Variants in CNTNAP3 observed in about 807,000 individuals in gnomAD.
CNTNAP3 encodes the protein contactin-associated protein-like 3.
CNTNAP3 carries 36 observed loss-of-function variants against 92.1 expected under a neutral mutation model. The ratio of observed to expected loss-of-function variants is 0.39; its 90% CI spans 0.30 to 0.52. CNTNAP3 has a LOEUF of 0.52. CNTNAP3 is among the 20% of genes least tolerant of loss of function. The probability of loss-of-function intolerance (pLI) is 0.76; values close to 1 mark genes in which losing one functional copy is unlikely to be tolerated. For missense variants in CNTNAP3, 534 were observed against 1,069.6 expected, an observed-to-expected ratio of 0.50 and a Z score of 6.98; for synonymous variants, 232 against 422.3, an observed-to-expected ratio of 0.55 and a Z score of 5.53.
At chr9:39,284,294 C>T (rs1823019729) in intron 1 of CNTNAP3, among the ~76,000 whole-genome samples, 1 of 20,994 alleles carries the variant, frequency 4.8e-5, no homozygotes, top group South Asian at 3.0e-3. Flanking sequence ...CTATAGGTCA[C>T]CACCAGTGCT....
chr9:39,135,147 A>G (rs1000197776), intron 12 of CNTNAP3, among the ~76,000 whole-genome samples: 2 of 152,222 alleles, frequency 1.3e-5, no homozygotes, highest in African/African-American at 2.4e-5. Context: ...ATCAGTAGTA[A>G]AACACCCAAA....
Position 39,067,246 on chromosome 9 carries a change from G to T in CNTNAP3, c.*6644C>A, listed in dbSNP as rs1472051474. 2.4e-4 allele frequency among the ~76,000 whole-genome samples: 37 copies of T among 152,392 alleles called. No homozygotes were observed. Among genetic ancestry groups the T allele is most frequent in the African/African-American group, 8.4e-4 (35 of 41,576 alleles). On this transcript the variant is annotated 3_prime_UTR_variant, in exon 24 of 24. Transcript: ENST00000297668. ...CTAATCTTTGAAAATACGGAATATA[G>T]TCATAATATTTTTCATTAGTAATTC...
At chr9:39,148,917 A>G (rs1821772865) in intron 10 of CNTNAP3, among the ~76,000 whole-genome samples, 1 of 152,192 alleles carries the variant, frequency 6.6e-6, no homozygotes, top group Non-Finnish European at 1.5e-5. Flanking sequence ...ATGTAGAAAT[A>G]TTATTTTTCC....
intron 16 of CNTNAP3, among the ~76,000 whole-genome samples, chr9:39,103,509 G>T (rs763811130): frequency 2.6e-4 from 39 of 151,830 alleles, no homozygotes; most frequent in Non-Finnish European, 4.9e-4. Context: ...TTGAACCCAG[G>T]AGGCTGAGGT....
chr9:39,151,008 G>A (rs2778127), intron 9 of CNTNAP3, among the ~76,000 whole-genome samples: 1 of 148,496 alleles, frequency 6.7e-6, no homozygotes, highest in African/African-American at 2.5e-5. Context: ...TAATGGAACT[G>A]TAAGTTTGAA....
At position 39,144,301 on chromosome 9, in the gene CNTNAP3, C is replaced by T. The variant is rs751780286; in HGVS notation, c.1695G>A (p.Ser565=). The T allele has an allele frequency of 2.1e-4, 337 of 1,574,502 alleles. No homozygotes were observed. The highest frequency in any genetic ancestry group is 2.8e-4 in the Non-Finnish European group (320 of 1,159,998). The change falls in exon 11 of 24, where the codon TCG becomes TCA. Residue 565 remains serine (S), a synonymous_variant. Coordinates refer to ENST00000297668, the MANE Select transcript of CNTNAP3 (RefSeq NM_033655.5). ...GACAGTCACAGGAGAAGGTGTCCCA[C>T]GACTGGGAACACTCGCCCCCATGCT... ...YCEHGGECSQ[S]WDTFSCDCLG...
At chr9:39,132,031 T>G (rs1482720989) in intron 13 of CNTNAP3, among the ~76,000 whole-genome samples, 1 of 152,094 alleles carries the variant, frequency 6.6e-6, no homozygotes, top group Non-Finnish European at 1.5e-5. Context: ...ATACTGTTTT[T>G]GTTTTTTTAA....
At chr9:39,138,250 G>A (rs1821489788) in intron 12 of CNTNAP3, among the ~76,000 whole-genome samples, 1 of 152,110 alleles carries the variant, frequency 6.6e-6, no homozygotes, top group Non-Finnish European at 1.5e-5. Flanking sequence ...GAGGCCTGCA[G>A]TACTATAAGT....
intron 21 of CNTNAP3, among the ~76,000 whole-genome samples, chr9:39,081,079 C>A (rs193037922): frequency 1.3e-5 from 2 of 150,048 alleles, no homozygotes; most frequent in Admixed American, 6.6e-5. Context: ...AAATGATCAC[C>A]ATATATACTT....
chr9:39,097,904 T>A (rs1826362671), intron 18 of CNTNAP3, among the ~76,000 whole-genome samples: 1 of 151,340 alleles, frequency 6.6e-6, no homozygotes, highest in Non-Finnish European at 1.5e-5. Flanking sequence ...TTACTAGTTA[T>A]GCTTGTTTCG....
chr9:39,089,375 T>C (rs894643393), intron 18 of CNTNAP3, among the ~76,000 whole-genome samples: 1 of 152,274 alleles, frequency 6.6e-6, no homozygotes, highest in Non-Finnish European at 1.5e-5. Context: ...TCTTGTAGCA[T>C]GTATCAGTAT....
chr9:39,141,075 A>T (rs990100485), intron 11 of CNTNAP3, among the ~76,000 whole-genome samples: 1 of 152,234 alleles, frequency 6.6e-6, no homozygotes. Context: ...GCAAGAAAGC[A>T]TGCAAACTCT....
At chr9:39,076,338 A>T (rs1297115749) in intron 23 of CNTNAP3, among the ~76,000 whole-genome samples, 1 of 152,310 alleles carries the variant, frequency 6.6e-6, no homozygotes, top group East Asian at 1.9e-4. Flanking sequence ...GCAATGAAAA[A>T]AATCTCCTAA....
At chr9:39,117,879 A>G (rs1318486782) in intron 14 of CNTNAP3, 4 of 1,022,918 alleles carry the variant, frequency 3.9e-6, no homozygotes, top group Non-Finnish European at 4.1e-6. Flanking sequence ...CTTTTACGAA[A>G]AATAAAAAAC....
chr9:39,114,840 A>G (rs899572062), intron 14 of CNTNAP3, among the ~76,000 whole-genome samples: 1 of 151,792 alleles, frequency 6.6e-6, no homozygotes, highest in Non-Finnish European at 1.5e-5. Context: ...TACATGTGTC[A>G]TCATTATATT....
At chr9:39,137,803 C>T (rs1242074665) in intron 12 of CNTNAP3, among the ~76,000 whole-genome samples, 2 of 152,068 alleles carry the variant, frequency 1.3e-5, no homozygotes, top group African/African-American at 2.4e-5. Context: ...CGTGAGCCAC[C>T]GTCTGTTTTT....
intron 12 of CNTNAP3, among the ~76,000 whole-genome samples, chr9:39,138,455 A>C (rs1821494617): frequency 6.6e-6 from 1 of 150,886 alleles, no homozygotes; most frequent in African/African-American, 2.5e-5. Flanking sequence ...GAAAACAAAA[A>C]ACAAAACAAA....
chr9:39,146,127 G>C (rs115460012), intron 10 of CNTNAP3, among the ~76,000 whole-genome samples: 13,903 of 141,342 alleles, frequency 0.098, 689 homozygotes, highest in African/African-American at 0.14. Context: ...AACACAACAT[G>C]AATTGTGAAA....
rs1825582755 is a variant in CNTNAP3 at position 39,069,201 on chromosome 9, T to C, written c.*4689A>G. The stretch of plus-strand genomic sequence containing the variant: ...GTCAGGAACTAGACATCTCAGGACC[T>C]GCATTCTAACCCATTTTTGTCAGTA... On this transcript the variant is annotated 3_prime_UTR_variant, in exon 24 of 24. Transcript: ENST00000297668. Among the ~76,000 whole-genome samples, 1 of 152,230 alleles carries C rather than the reference T, an allele frequency of 6.6e-6. No individual in the cohort carries two copies. The highest frequency in any genetic ancestry group is 2.4e-5 in the African/African-American group (1 of 41,458).
Sources: gnomAD v4.1 joint callset for allele counts (sites outside exome capture counted in the v4.1 genomes callset) on GRCh38, gnomAD v4.1.1 for gene constraint, MANE v1.5 for transcripts, NCBI Gene and HGNC (gene_info 2026-07-23, HGNC 2026-07-21) for gene names.